Variants in ALK observed in about 807,000 individuals in gnomAD.
ALK encodes ALK tyrosine kinase receptor.
A neutral mutation model predicts 163.1 loss-of-function variants in ALK; 74 were observed. That is an observed-to-expected ratio of 0.45 (90% CI 0.38 to 0.55). ALK has a LOEUF of 0.55. ALK is among the 20% of genes least tolerant of loss of function. ALK has a pLI of 0.00. For missense variants in ALK, 2,063 were observed against 2,105.3 expected, an observed-to-expected ratio of 0.98 and a Z score of 0.39; for synonymous variants, 960 against 843.2, an observed-to-expected ratio of 1.14 and a Z score of -2.40.
intron 1 of ALK, among the ~76,000 whole-genome samples, chr2:29,766,300 C>T (rs532427780): frequency 2.6e-5 from 4 of 152,284 alleles, no homozygotes; most frequent in East Asian, 1.9e-4. Context: ...AACTCCTTCA[C>T]GGGGTTGTTC....
In ALK at chr2:29,822,801, G is replaced by A. The variant is rs529762029; in HGVS notation, c.667+97192C>T. Among the ~76,000 whole-genome samples the A allele has an allele frequency of 1.3e-3, 192 of 152,354 alleles. 1 individual carries two copies. Among genetic ancestry groups the A allele is most frequent in the South Asian group, 4.1e-3 (20 of 4,822 alleles). ...ATTAGCTGACTGTGTAATGTGCAACGAATCACTGGACTTCTCACAGCCTTG... is the reference window on the plus strand; with the variant it reads ...ATTAGCTGACTGTGTAATGTGCAACAAATCACTGGACTTCTCACAGCCTTG... On this transcript the variant is annotated intron_variant, in intron 1 of 28. Transcript: ENST00000389048.
chr2:29,770,578 T>A (rs72851987), intron 1 of ALK, among the ~76,000 whole-genome samples: 7,253 of 152,292 alleles, frequency 0.048, 240 homozygotes, highest in East Asian at 0.11. Context: ...AAACATTTTA[T>A]ATTCAGAATA....
At chr2:29,524,860 T>TGGATGGATGGATGAAC (rs1672914628) in intron 4 of ALK, among the ~76,000 whole-genome samples, 1 of 151,148 alleles carries the variant, frequency 6.6e-6, no homozygotes, top group Non-Finnish European at 1.5e-5. Context: ...AGTGGATGGA[T>TGGATGGATGGATGAAC]GGATGGATGG....
chr2:29,352,475 T>A (rs1668143053), intron 5 of ALK, among the ~76,000 whole-genome samples: 1 of 152,248 alleles, frequency 6.6e-6, no homozygotes, highest in Admixed American at 6.5e-5. Context: ...GCCCAGAATG[T>A]TCCATGCCTG....
intron 9 of ALK, among the ~76,000 whole-genome samples, chr2:29,287,945 A>G (rs537874696): frequency 3.3e-5 from 5 of 151,872 alleles, no homozygotes; most frequent in African/African-American, 1.2e-4. Context: ...TGGAGATGTA[A>G]TGTTACTTCA....
At chr2:29,526,828 G>A (rs771004460) in intron 4 of ALK, among the ~76,000 whole-genome samples, 10 of 152,094 alleles carry the variant, frequency 6.6e-5, no homozygotes, top group Non-Finnish European at 1.0e-4. Flanking sequence ...AAGCAATCAG[G>A]TCCCTTTTCA....
chr2:29,842,798 C>T (rs1017672959), intron 1 of ALK, among the ~76,000 whole-genome samples: 2 of 152,164 alleles, frequency 1.3e-5, no homozygotes, highest in South Asian at 2.1e-4. Flanking sequence ...CCTGGGGCTG[C>T]GCAAACATCC....
intron 3 of ALK, among the ~76,000 whole-genome samples, chr2:29,647,099 C>A (rs574988107): frequency 3.2e-4 from 49 of 152,254 alleles, no homozygotes; most frequent in African/African-American, 1.2e-3. Context: ...GCTCTTCTTC[C>A]AGTTTCACAT....
intron 1 of ALK, among the ~76,000 whole-genome samples, chr2:29,749,717 T>C (rs948376717): frequency 3.9e-5 from 6 of 152,144 alleles, no homozygotes; most frequent in Admixed American, 2.0e-4. Flanking sequence ...AGCCCAGCCA[T>C]TTATTAGCCC....
intron 5 of ALK, among the ~76,000 whole-genome samples, chr2:29,362,140 G>A (rs1311635599): frequency 6.6e-6 from 1 of 152,154 alleles, no homozygotes; most frequent in East Asian, 1.9e-4. Context: ...GATGGGTGGT[G>A]GGCAGGAAGA....
chr2:29,794,608 T>G (rs1664261459), intron 1 of ALK, among the ~76,000 whole-genome samples: 1 of 152,080 alleles, frequency 6.6e-6, no homozygotes. Context: ...GAGGCGACTG[T>G]AGGGTTATTA....
In ALK at chr2:29,228,294, G is replaced by A. The variant is rs546984255; in HGVS notation, c.2815+590C>T. ...GCATGCATTCGTCCTAATCTGTGGG[G>A]AGCGGGGAGCCATCGTCTCCCAGCC... On this transcript the variant is annotated intron_variant, in intron 16 of 28. Transcript: ENST00000389048. 5.9e-5 allele frequency among the ~76,000 whole-genome samples: 9 copies of A among 152,340 alleles called. No homozygotes were observed. In the South Asian group the frequency reaches 1.9e-3, roughly 32 times the overall value.
chr2:29,870,262 C>T (rs35543152), intron 1 of ALK, among the ~76,000 whole-genome samples: 66,804 of 152,024 alleles, frequency 0.44, 15,498 homozygotes, highest in Non-Finnish European at 0.5. Flanking sequence ...GTTTTGCAGG[C>T]TGTACAGGCT....
At chr2:29,770,385 G>A (rs2148343605) in intron 1 of ALK, among the ~76,000 whole-genome samples, 1 of 152,314 alleles carries the variant, frequency 6.6e-6, no homozygotes, top group Non-Finnish European at 1.5e-5. Flanking sequence ...ACCCTACACT[G>A]AAGCCTACAG....
At chr2:29,787,508 CT>C (rs1664067048) in intron 1 of ALK, among the ~76,000 whole-genome samples, 1 of 152,234 alleles carries the variant, frequency 6.6e-6, no homozygotes, top group Admixed American at 6.5e-5. Context: ...AATGCACAGG[CT>C]TTTCCTTGGA....
At chr2:29,432,226 C>T (rs1399535659) in intron 4 of ALK, among the ~76,000 whole-genome samples, 1 of 152,108 alleles carries the variant, frequency 6.6e-6, no homozygotes, top group Non-Finnish European at 1.5e-5. Context: ...GTGTTTGGGT[C>T]ATGAGGGTGG....
chr2:29,446,197 A>G (rs563250796), intron 4 of ALK, among the ~76,000 whole-genome samples: 1 of 151,874 alleles, frequency 6.6e-6, no homozygotes, highest in Admixed American at 6.6e-5. Context: ...AGAAAACACA[A>G]CAACCAGCAA....
intron 7 of ALK, among the ~76,000 whole-genome samples, chr2:29,319,798 G>A (rs1666956935): frequency 6.6e-6 from 1 of 152,264 alleles, no homozygotes; most frequent in Non-Finnish European, 1.5e-5. Context: ...TCTCTCCTCT[G>A]CGTCTTTTAC....
rs532300620 is a variant in ALK at position 29,645,283 on chromosome 2, C to A, written c.952+49567G>T. On this transcript the variant is annotated intron_variant, in intron 3 of 28. Transcript: ENST00000389048. ...AATTAAATAGGATCAATATTACACA[C>A]GGAACAAAACCAAAAATACAAATAT... 2.0e-5 allele frequency among the ~76,000 whole-genome samples: 3 copies of A among 152,060 alleles called. No homozygotes were observed. The South Asian group carries it at 6.2e-4, about 32-fold the overall frequency.
Sources: gnomAD v4.1 joint callset for allele counts (sites outside exome capture counted in the v4.1 genomes callset) on GRCh38, gnomAD v4.1.1 for gene constraint, MANE v1.5 for transcripts, NCBI Gene and HGNC (gene_info 2026-07-23, HGNC 2026-07-21) for gene names.